WDR72: variants seen among roughly 807,000 people sequenced by gnomAD.
WDR72 encodes the protein WD repeat-containing protein 72.
A neutral mutation model predicts 124.2 loss-of-function variants in WDR72; 120 were observed. The ratio of observed to expected loss-of-function variants is 0.97; its 90% CI spans 0.83 to 1.12. The LOEUF (loss-of-function observed/expected upper bound fraction) is 1.12, where lower values mean the gene tolerates loss of function less well. WDR72 is among the 50% of genes most tolerant of loss of function. The pLI, the probability that WDR72 is intolerant of heterozygous loss-of-function variation, is 0.00. For missense variants in WDR72, 1,387 were observed against 1,278.8 expected (o/e 1.08, Z -1.29); for synonymous variants, 452 against 441.7 (o/e 1.02, Z -0.29).
At chr15:53,586,134 G>A (rs1160915673) in intron 18 of WDR72, among the ~76,000 whole-genome samples, 1 of 152,014 alleles carries the variant, frequency 6.6e-6, no homozygotes, top group Non-Finnish European at 1.5e-5. Flanking sequence ...GGGAAACAGA[G>A]CACCTAATAA....
intron 14 of WDR72, among the ~76,000 whole-genome samples, chr15:53,616,702 T>G (rs1273793544): frequency 1.3e-5 from 2 of 152,000 alleles, no homozygotes; most frequent in Non-Finnish European, 2.9e-5. Context: ...TGTTAACCAA[T>G]GTCATATTGC....
At chr15:53,717,872 G>A (rs2017757407) in intron 3 of WDR72, among the ~76,000 whole-genome samples, 1 of 152,066 alleles carries the variant, frequency 6.6e-6, no homozygotes, top group African/African-American at 2.4e-5. Context: ...AACCTGAAAA[G>A]ACATATAATT....
In WDR72 at chr15:53,615,703, T is replaced by G. The variant is rs150164663; in HGVS notation, c.2503A>C (p.Asn835His). The G allele has an allele frequency of 2.5e-6, 4 of 1,612,122 alleles. No individual in the cohort carries two copies. The African/African-American group carries it at 5.4e-5, about 22-fold the overall frequency. Reference protein sequence around the residue: ...QGPISLGISLNEDNFSLMLPG... With the variant: ...QGPISLGISLHEDNFSLMLPG... ...AACATCAGTGAGAAATTATCTTCAT[T>G]CAAAGAAATTCCCAAAGAAATAGGA... is the stretch of plus-strand genomic sequence containing the variant. Residue 835 changes from asparagine to histidine, a missense_variant, in exon 15 of 20, where the codon AAT becomes CAT. Coordinates refer to ENST00000360509, the MANE Select transcript of WDR72 (RefSeq NM_182758.4).
At position 53,548,257 on chromosome 15, in the gene WDR72, A is replaced by T. The variant is rs78785321; in HGVS notation, c.3149-24935T>A. 7.3e-3 allele frequency among the ~76,000 whole-genome samples: 1,111 copies of T among 152,290 alleles called. 8 individuals are homozygous for T. Among genetic ancestry groups the T allele is most frequent in the Non-Finnish European group, 0.011 (767 of 68,034 alleles). On this transcript the variant is annotated intron_variant, in intron 18 of 19. Transcript: ENST00000360509. ...ATATACCTGTTTTCCTTCTAAATGC[A>T]CCCGTGGTAAGGTATCTTTTATAGG...
At chr15:53,641,645 G>C (rs2014855073) in intron 14 of WDR72, among the ~76,000 whole-genome samples, 1 of 151,808 alleles carries the variant, frequency 6.6e-6, no homozygotes. Context: ...AGGCATTTTT[G>C]TGTCTTTTAG....
chr15:53,648,428 T>C (rs1376811875), intron 14 of WDR72, among the ~76,000 whole-genome samples: 1 of 152,160 alleles, frequency 6.6e-6, no homozygotes, highest in Non-Finnish European at 1.5e-5. Flanking sequence ...TCCCAAACTA[T>C]GACACTGAAA....
chr15:53,683,582 A>C (rs1362322045), intron 13 of WDR72, among the ~76,000 whole-genome samples: 1 of 152,120 alleles, frequency 6.6e-6, no homozygotes, highest in African/African-American at 2.4e-5. Context: ...GCTACTATAA[A>C]TTGCTCTCTT....
intron 13 of WDR72, among the ~76,000 whole-genome samples, chr15:53,694,370 G>A (rs1420430711): frequency 6.6e-6 from 1 of 152,172 alleles, no homozygotes; most frequent in African/African-American, 2.4e-5. Flanking sequence ...TGCTATCAGA[G>A]TGCCAGCCAC....
intron 1 of WDR72, among the ~76,000 whole-genome samples, chr15:53,754,204 G>T (rs79784505): frequency 0.013 from 2,019 of 152,240 alleles, 51 homozygotes; most frequent in African/African-American, 0.046. Flanking sequence ...GTATGTGGAA[G>T]TGTATGCATG....
At chr15:53,711,577 T>G in intron 7 of WDR72, 96 bp from the exon 8 acceptor site, 2 of 1,271,556 alleles carry the variant, frequency 1.6e-6, no homozygotes, top group Non-Finnish European at 2.2e-6. Context: ...AACAACATAG[T>G]AAGCGTTAAT....
At chr15:53,599,982 A>C (rs1277430579) in intron 17 of WDR72, among the ~76,000 whole-genome samples, 1 of 152,182 alleles carries the variant, frequency 6.6e-6, no homozygotes, top group Non-Finnish European at 1.5e-5. Context: ...CATGATGAGT[A>C]GGGTACTCAG....
chr15:53,619,159 C>T (rs1486611981), intron 14 of WDR72, among the ~76,000 whole-genome samples: 3 of 151,838 alleles, frequency 2.0e-5, no homozygotes, highest in Admixed American at 2.0e-4. Context: ...TTTAAACCTA[C>T]TTATTATACT....
chr15:53,595,176 C>T (rs1226293002), intron 18 of WDR72, among the ~76,000 whole-genome samples: 1 of 152,106 alleles, frequency 6.6e-6, no homozygotes, highest in African/African-American at 2.4e-5. Flanking sequence ...CACAAATTTT[C>T]TTTTACCATA....
At chr15:53,582,885 T>C (rs1270942179) in intron 18 of WDR72, among the ~76,000 whole-genome samples, 1 of 152,014 alleles carries the variant, frequency 6.6e-6, no homozygotes, top group Non-Finnish European at 1.5e-5. Flanking sequence ...ACAGTAGAGA[T>C]AGTTTAACTC....
rs1241386090 is a variant in WDR72, at chr15:53,706,089, A to G, written c.955-15T>C. 6.2e-7 allele frequency: 1 copy of G among 1,613,632 alleles called. No homozygotes were observed. The highest frequency in any genetic ancestry group is 8.5e-7 in the Non-Finnish European group (1 of 1,179,894). ...CGGCTCTGTTCCTAAACAAAAAGTG[A>G]GCTTTTATGTAGGAAATATTCTAAC... On this transcript the variant is annotated splice_polypyrimidine_tract_variant and intron_variant, in intron 9 of 19. Transcript: ENST00000360509.
chr15:53,686,833 T>G (rs1209369628), intron 13 of WDR72, among the ~76,000 whole-genome samples: 10 of 151,498 alleles, frequency 6.6e-5, no homozygotes, highest in Non-Finnish European at 1.0e-4. Context: ...TCAGCAAATG[T>G]AAAAGAACAG....
chr15:53,584,050 G>A (rs1386581556), intron 18 of WDR72, among the ~76,000 whole-genome samples: 1 of 151,878 alleles, frequency 6.6e-6, no homozygotes, highest in Non-Finnish European at 1.5e-5. Flanking sequence ...TTTCAGTTAA[G>A]GATGTTTGTA....
chr15:53,549,460 C>G (rs1893635321), intron 18 of WDR72, among the ~76,000 whole-genome samples: 1 of 152,152 alleles, frequency 6.6e-6, no homozygotes, highest in Non-Finnish European at 1.5e-5. Flanking sequence ...CAAAACGACC[C>G]TGCCGAATAG....
chr15:53,732,157 T>C (rs915401133), intron 2 of WDR72, among the ~76,000 whole-genome samples: 1 of 152,210 alleles, frequency 6.6e-6, no homozygotes, highest in African/African-American at 2.4e-5. Context: ...TGCAATGCAG[T>C]TCTTGGCAGT....
Sources: gnomAD v4.1 joint callset for allele counts (sites outside exome capture counted in the v4.1 genomes callset) on GRCh38, gnomAD v4.1.1 for gene constraint, MANE v1.5 for transcripts, NCBI Gene and HGNC (gene_info 2026-07-23, HGNC 2026-07-21) for gene names.